ARHGAP31: variants seen among roughly 807,000 people sequenced by gnomAD.
The protein encoded by ARHGAP31 is Rho GTPase activating protein 31, also known as rho GTPase-activating protein 31.
Under a neutral mutation model 113.9 loss-of-function variants are expected in ARHGAP31, and 34 were observed. That is an observed-to-expected ratio of 0.30 (90% CI 0.23 to 0.40). The LOEUF is 0.40. ARHGAP31 is among the 10% of genes least tolerant of loss of function. The pLI is 1.00. For synonymous variants in ARHGAP31, 650 were observed against 684.8 expected (o/e 0.95, Z 0.79); for missense variants, 1,548 against 1,767.1 (o/e 0.88, Z 2.22).
chr3:119,358,154 G>A (rs1303819297), intron 1 of ARHGAP31, among the ~76,000 whole-genome samples: 1 of 152,088 alleles, frequency 6.6e-6, no homozygotes, highest in Non-Finnish European at 1.5e-5. Context: ...AATATATAAA[G>A]AAATCATAAC....
intron 6 of ARHGAP31, among the ~76,000 whole-genome samples, chr3:119,390,305 A>G (rs1210320120): frequency 6.6e-6 from 1 of 152,226 alleles, no homozygotes; most frequent in Non-Finnish European, 1.5e-5. Context: ...TAGAGGTTCT[A>G]ACTTGAAATG....
chr3:119,415,749 C>T lies in ARHGAP31; in HGVS notation c.3820C>T (p.Pro1274Ser). ...AGATCCCGGAGCCATTAAGTCCTCA[C>T]CAGTGGATGCCACTGCACCCTGCAT... ...KQDPGAIKSS[P>S]VDATAPCMCE... Residue 1274 changes from proline to serine, a missense_variant, in exon 12 of 12, where the codon CCA (proline) becomes TCA (serine). Physicochemically the swap from Pro to Ser is moderately conservative, Grantham distance 74. Transcript: ENST00000264245. 1.2e-6 allele frequency: 2 copies of T among 1,614,194 alleles called. No homozygotes were observed. The highest frequency in any genetic ancestry group is 1.7e-6 in the Non-Finnish European group (2 of 1,180,030).
intron 1 of ARHGAP31, among the ~76,000 whole-genome samples, chr3:119,321,993 C>T (rs1375001212): frequency 6.6e-6 from 1 of 152,200 alleles, no homozygotes; most frequent in African/African-American, 2.4e-5. Flanking sequence ...TTATTCCCTG[C>T]CTCCATTACT....
At chr3:119,400,259 C>A (rs2080589295) in intron 9 of ARHGAP31, among the ~76,000 whole-genome samples, 1 of 151,946 alleles carries the variant, frequency 6.6e-6, no homozygotes, top group African/African-American at 2.4e-5. Flanking sequence ...TGGTGAAATC[C>A]TCTCTGTACT....
chr3:119,363,267 A>G (rs570719403), intron 1 of ARHGAP31, among the ~76,000 whole-genome samples: 20 of 152,234 alleles, frequency 1.3e-4, no homozygotes, highest in African/African-American at 4.6e-4. Context: ...TCATTTATCT[A>G]TCTATTTGCA....
At chr3:119,328,087 TA>T (rs1286001221) in intron 1 of ARHGAP31, among the ~76,000 whole-genome samples, 8 of 152,198 alleles carry the variant, frequency 5.3e-5, no homozygotes, top group Non-Finnish European at 1.2e-4. Context: ...ATGTTTGATT[TA>T]AAAAATCAGA....
Position 119,383,065 on chromosome 3 carries a change from T to C in ARHGAP31, c.540-19T>C. The stretch of plus-strand genomic sequence containing the variant: ...GTAAGGCAAACTCACTAACTGAATA[T>C]GTTTCTTCCACACGGTAGGTCTAAA... On this transcript the variant is annotated intron_variant, in intron 5 of 11. Coordinates refer to ENST00000264245, the MANE Select transcript of ARHGAP31 (RefSeq NM_020754.4). 13 of 1,613,928 alleles carry C rather than the reference T, an allele frequency of 8.1e-6. No homozygotes were observed. The highest frequency in any genetic ancestry group is 1.0e-5 in the Non-Finnish European group (12 of 1,180,010).
intron 1 of ARHGAP31, among the ~76,000 whole-genome samples, chr3:119,330,198 T>C (rs2079880565): frequency 6.6e-6 from 1 of 152,216 alleles, no homozygotes; most frequent in African/African-American, 2.4e-5. Flanking sequence ...TTGTGTATTT[T>C]CCCATGTGCC....
At chr3:119,324,118 C>A (rs778075248) in intron 1 of ARHGAP31, among the ~76,000 whole-genome samples, 1 of 152,218 alleles carries the variant, frequency 6.6e-6, no homozygotes, top group Non-Finnish European at 1.5e-5. Flanking sequence ...CTCTGTTATG[C>A]CCATCTGTAT....
In ARHGAP31 at chr3:119,368,476, C is replaced by T; in HGVS notation, c.308C>T (p.Pro103Leu). The change falls in exon 3 of 12, where the codon CCC becomes CTC. Residue 103 changes from proline (P) to leucine (L), a missense_variant. Pro to Leu is a moderately conservative substitution (Grantham distance 98, BLOSUM62 -3). Transcript: ENST00000264245. ...SLCKLYFREL[P>L]NPLLTYELYE... is the part of the protein sequence containing the mutation. ...TGCAAGCTCTACTTTAGGGAGCTGCCCAACCCCCTCCTGACTTATGAGCTC... is the reference window on the plus strand; with the variant it reads ...TGCAAGCTCTACTTTAGGGAGCTGCTCAACCCCCTCCTGACTTATGAGCTC... 1.9e-6 allele frequency: 3 copies of T among 1,614,028 alleles called. No homozygotes were observed. Among genetic ancestry groups the T allele is most frequent in the Non-Finnish European group, 2.5e-6 (3 of 1,179,990 alleles).
chr3:119,375,969 A>G (rs2080343198), intron 3 of ARHGAP31, among the ~76,000 whole-genome samples: 1 of 152,194 alleles, frequency 6.6e-6, no homozygotes, highest in Admixed American at 6.6e-5. Flanking sequence ...CTTCTGCTTC[A>G]GCCCCTGGAG....
At chr3:119,350,428 G>A (rs1443582285) in intron 1 of ARHGAP31, among the ~76,000 whole-genome samples, 1 of 152,094 alleles carries the variant, frequency 6.6e-6, no homozygotes, top group Non-Finnish European at 1.5e-5. Context: ...TTTTATAAAT[G>A]TTCCCCATCT....
intron 1 of ARHGAP31, among the ~76,000 whole-genome samples, chr3:119,306,603 T>C (rs1259899216): frequency 6.6e-6 from 1 of 152,162 alleles, no homozygotes; most frequent in East Asian, 1.9e-4. Flanking sequence ...GTGTAATGTC[T>C]GGGTCGATGG....
chr3:119,411,776 C>T (rs1334756131), intron 11 of ARHGAP31, among the ~76,000 whole-genome samples: 3 of 151,912 alleles, frequency 2.0e-5, no homozygotes, highest in Non-Finnish European at 4.4e-5. Flanking sequence ...AGAAATAATC[C>T]AAAAGAAAAC....
intron 1 of ARHGAP31, among the ~76,000 whole-genome samples, chr3:119,351,317 T>C (rs2080108376): frequency 6.6e-6 from 1 of 152,254 alleles, no homozygotes; most frequent in South Asian, 2.1e-4. Context: ...AGTCAGTCTC[T>C]ACCTTCTGCT....
chr3:119,302,864 A>T (rs1176541918), intron 1 of ARHGAP31, among the ~76,000 whole-genome samples: 1 of 152,234 alleles, frequency 6.6e-6, no homozygotes, highest in Non-Finnish European at 1.5e-5. Context: ...AGCCTAAACC[A>T]TGAAGAGTCA....
chr3:119,321,961 T>C (rs1373180905), intron 1 of ARHGAP31, among the ~76,000 whole-genome samples: 2 of 152,232 alleles, frequency 1.3e-5, no homozygotes, highest in Non-Finnish European at 2.9e-5. Context: ...CCCATAGTAG[T>C]TTATCATATA....
At chr3:119,400,650 A>G (rs1481283939) in intron 9 of ARHGAP31, among the ~76,000 whole-genome samples, 1 of 152,176 alleles carries the variant, frequency 6.6e-6, no homozygotes, top group Non-Finnish European at 1.5e-5. Context: ...GCATGTGAGT[A>G]TTAGGTCATC....
chr3:119,358,303 T>C (rs2080176469), intron 1 of ARHGAP31, among the ~76,000 whole-genome samples: 1 of 152,206 alleles, frequency 6.6e-6, no homozygotes, highest in Non-Finnish European at 1.5e-5. Context: ...ACTGCAATGA[T>C]ACCACTTCAC....
Sources: allele counts gnomAD v4.1 joint callset (sites outside exome capture counted in the v4.1 genomes callset), GRCh38; gene constraint gnomAD v4.1.1; transcripts MANE v1.5; gene names NCBI Gene and HGNC (gene_info 2026-07-23, HGNC 2026-07-21).